DMD: variants seen among roughly 807,000 people sequenced by gnomAD.
The protein encoded by DMD is dystrophin.
In DMD, 63 loss-of-function variants were observed where a neutral mutation model predicts 330.1. The ratio of observed to expected loss-of-function variants is 0.19; its 90% CI spans 0.16 to 0.24. The LOEUF (loss-of-function observed/expected upper bound fraction) is 0.24, where lower values mean the gene tolerates loss of function less well. DMD is among the 10% of genes least tolerant of loss of function. DMD has a pLI of 1.00. For synonymous variants in DMD, 1,223 were observed against 959.8 expected, an observed-to-expected ratio of 1.27 and a Z score of -5.07; for missense variants, 3,344 against 2,684.1, an observed-to-expected ratio of 1.25 and a Z score of -5.43.
intron 56 of DMD, among the ~76,000 whole-genome samples, chrX:31,499,636 C>T (rs1268608224): frequency 9.1e-6 from 1 of 110,145 alleles, no homozygotes; most frequent in African/African-American, 3.3e-5. Flanking sequence ...GGATTACAGG[C>T]GCCCACCACC....
At chrX:31,993,972 C>T (rs2095567383) in intron 44 of DMD, among the ~76,000 whole-genome samples, 1 of 111,173 alleles carries the variant, frequency 9.0e-6, no homozygotes, top group Non-Finnish European at 1.9e-5. Flanking sequence ...AAAATGATAG[C>T]CCAGCCTCTG....
chrX:32,667,267 G>A (rs185499045), intron 9 of DMD, among the ~76,000 whole-genome samples: 34 of 111,411 alleles, frequency 3.1e-4, no homozygotes, highest in Non-Finnish European at 4.3e-4. Flanking sequence ...TTACTGGCCC[G>A]GAAGACGTTT....
intron 12 of DMD, among the ~76,000 whole-genome samples, chrX:32,607,681 C>T (rs928169345): frequency 8.1e-5 from 9 of 110,455 alleles, no homozygotes; most frequent in Non-Finnish European, 1.5e-4. Context: ...TTATAAGATA[C>T]GGTCATACAT....
chrX:32,204,995 TCTCTCTC>T (rs2097058105), intron 44 of DMD, among the ~76,000 whole-genome samples: 1 of 50,884 alleles, frequency 2.0e-5, no homozygotes, highest in Non-Finnish European at 3.6e-5. Context: ...TCTCTCTCTC[TCTCTCTC>T]TCTCACATAC....
At chrX:31,982,361 G>T (rs1195982881) in intron 44 of DMD, among the ~76,000 whole-genome samples, 5 of 111,519 alleles carry the variant, frequency 4.5e-5, no homozygotes, top group Non-Finnish European at 9.4e-5. Flanking sequence ...ACCATTTTGT[G>T]TTATTTGACA....
At chrX:33,141,737 T>A (rs746443510) in intron 1 of DMD, among the ~76,000 whole-genome samples, 13 of 111,136 alleles carry the variant, frequency 1.2e-4, no homozygotes, top group Admixed American at 5.8e-4. Context: ...AAGTAAAATT[T>A]TATAGGTTCA....
At chrX:32,986,395 CTT>C (rs2092845493) in intron 2 of DMD, among the ~76,000 whole-genome samples, 2 of 111,365 alleles carry the variant, frequency 1.8e-5, no homozygotes, top group South Asian at 7.4e-4. Context: ...TTTTTGGTGA[CTT>C]TAGAAATTTA....
rs568816111 is a variant in DMD, at chrX:31,642,824, G to A, written c.8028-14962C>T. Among the ~76,000 whole-genome samples the A allele has an allele frequency of 5.4e-5, 6 of 112,092 alleles. No individual in the cohort carries two copies. The South Asian group carries it at 1.8e-3, about 35-fold the overall frequency. On this transcript the variant is annotated intron_variant, in intron 54 of 78. Coordinates refer to ENST00000357033, the MANE Select transcript of DMD (RefSeq NM_004006.3). The stretch of plus-strand genomic sequence containing the variant: ...TGCAATACCTTTTACTTGGAAATAT[G>A]TTTGAAGATCACCTGAAAGTTTAAT...
intron 9 of DMD, among the ~76,000 whole-genome samples, chrX:32,694,861 G>A (rs2063534146): frequency 9.0e-6 from 1 of 111,135 alleles, no homozygotes; most frequent in Non-Finnish European, 1.9e-5. Context: ...TTACCATGTT[G>A]GTTCGGTTGG....
chrX:32,439,713 A>G (rs900061258), intron 28 of DMD, among the ~76,000 whole-genome samples: 8 of 111,299 alleles, frequency 7.2e-5, no homozygotes, highest in Admixed American at 6.8e-4. Flanking sequence ...CCTCCTGGAT[A>G]AGCATCAGCA....
chrX:32,760,037 T>A (rs532836267), intron 7 of DMD, among the ~76,000 whole-genome samples: 1 of 112,272 alleles, frequency 8.9e-6, no homozygotes, highest in African/African-American at 3.2e-5. Context: ...TAAATCTGCA[T>A]TGAAAAATGG....
chrX:32,595,329 C>T (rs2055395483), intron 13 of DMD, among the ~76,000 whole-genome samples: 1 of 111,748 alleles, frequency 8.9e-6, no homozygotes, highest in Admixed American at 9.5e-5. Context: ...ATGCCTTAAC[C>T]ACACAAGCAT....
intron 48 of DMD, among the ~76,000 whole-genome samples, chrX:31,872,108 C>G (rs1318143889): frequency 1.9e-5 from 2 of 106,659 alleles, no homozygotes; most frequent in African/African-American, 6.8e-5. Context: ...TTGAACACAG[C>G]CACAAGCAGA....
At chrX:33,034,318 A>G in intron 1 of DMD, among the ~76,000 whole-genome samples, 1 of 111,757 alleles carries the variant, frequency 8.9e-6, no homozygotes, top group Non-Finnish European at 1.9e-5. Context: ...AGCGCCTACT[A>G]AACGAATTAT....
chrX:32,738,424 C>A (rs1302979528), intron 7 of DMD, among the ~76,000 whole-genome samples: 1 of 111,754 alleles, frequency 8.9e-6, no homozygotes, highest in Non-Finnish European at 1.9e-5. Context: ...ATTCCTTTCT[C>A]TCCTCAACAG....
chrX:33,251,515 T>A (rs949956519), intron 1 of DMD, among the ~76,000 whole-genome samples: 2 of 111,901 alleles, frequency 1.8e-5, no homozygotes, highest in African/African-American at 6.5e-5. Flanking sequence ...GAAATTGAGA[T>A]GCCTAAACCA....
At chrX:32,709,284 GAA>G (rs1208966470) in intron 7 of DMD, among the ~76,000 whole-genome samples, 4 of 111,677 alleles carry the variant, frequency 3.6e-5, no homozygotes, top group Admixed American at 1.9e-4. Context: ...AGGTACAAGT[GAA>G]AAAGAGAGTA....
chrX:32,912,306 C>G (rs1417871068), intron 2 of DMD, among the ~76,000 whole-genome samples: 1 of 110,770 alleles, frequency 9.0e-6, no homozygotes, highest in Non-Finnish European at 1.9e-5. Flanking sequence ...CCTTCACCAT[C>G]AGCCAAAGAG....
intron 67 of DMD, among the ~76,000 whole-genome samples, chrX:31,195,692 T>A (rs5927699): frequency 9.8e-6 from 1 of 102,285 alleles, no homozygotes; most frequent in Non-Finnish European, 2.0e-5. Flanking sequence ...GTGATAGAAA[T>A]GGAAGGAAGA....
Sources: gnomAD v4.1 joint callset for allele counts (sites outside exome capture counted in the v4.1 genomes callset) on GRCh38, gnomAD v4.1.1 for gene constraint, MANE v1.5 for transcripts, NCBI Gene and HGNC (gene_info 2026-07-23, HGNC 2026-07-21) for gene names.